The following TSC2 variants were observed in gnomAD, a reference collection of about 807,000 sequenced individuals.
TSC2 encodes the protein tuberin.
A neutral mutation model predicts 202.2 loss-of-function variants in TSC2; 29 were observed. That is an observed-to-expected ratio of 0.14 (90% CI 0.11 to 0.20). The LOEUF (loss-of-function observed/expected upper bound fraction) is 0.20. Ranked by LOEUF, TSC2 falls within the 10% of genes least tolerant of loss-of-function variation. TSC2 has a pLI of 1.00. For missense variants in TSC2, 2,429 were observed against 2,420.0 expected, an observed-to-expected ratio of 1.00 and a Z score of -0.08; for synonymous variants, 1,349 against 1,044.0, an observed-to-expected ratio of 1.29 and a Z score of -5.63.
intron 7 of TSC2, 52 bp from the exon 8 acceptor site, chr16:2,056,592 T>C (rs2085860547): frequency 3.1e-6 from 5 of 1,599,964 alleles, no homozygotes; most frequent in Admixed American, 1.7e-5. Flanking sequence ...TGTCCTCTCC[T>C]GTGGGGAGGA....
intron 20 of TSC2, 149 bp from the exon 21 acceptor site, chr16:2,072,700 G>A (rs1392140181): frequency 8.3e-6 from 11 of 1,325,820 alleles, no homozygotes; most frequent in Non-Finnish European, 1.2e-5. Flanking sequence ...ACTCCGAAAG[G>A]GAGGCCCTTC....
chr16:2,073,086 C>G (rs1272582333), intron 21 of TSC2, 103 bp downstream of exon 21: 1 of 1,555,792 alleles, frequency 6.4e-7, no homozygotes, highest in African/African-American at 1.4e-5. Context: ...TTCTGCCAGG[C>G]CAGGGATGAG....
rs397515108 is a variant in TSC2, at chr16:2,058,808, T to C, written c.910T>C (p.Trp304Arg). The change falls in exon 10 of 42, where the codon TGG becomes CGG. Residue 304 changes from tryptophan (W) to arginine (R), a missense_variant. Transcript: ENST00000219476. The stretch of plus-strand genomic sequence containing the variant: ...CGTGTTTTTTGTGGGCATGGCTCTC[T>C]GGGGAGCCCACCGGCTCTATTCTCT... ...GAVFFVGMALWGAHRLYSLRN... is the reference protein window; with the variant it reads ...GAVFFVGMALRGAHRLYSLRN... 1.2e-6 allele frequency: 2 copies of C among 1,600,810 alleles called. No homozygotes were observed. Among genetic ancestry groups the C allele is most frequent in the Admixed American group, 1.7e-5 (1 of 57,746 alleles).
chr16:2,071,821 C>G lies in TSC2; in HGVS notation c.1984C>G (p.Pro662Ala), dbSNP rs1309151152. 2 of 1,600,512 alleles carry G rather than the reference C, an allele frequency of 1.2e-6. No homozygotes were observed. Among genetic ancestry groups the G allele is most frequent in the East Asian group, 2.3e-5 (1 of 44,232 alleles). Residue 662 changes from proline to alanine, a missense_variant, in exon 19 of 42, where the codon CCC (proline) becomes GCC (alanine). Physicochemically the swap from Pro to Ala is conservative, Grantham distance 27 (BLOSUM62 -1). Transcript: ENST00000219476. Reference protein sequence around the residue: ...ERGSEKKTSGPLSPPTGPPGP... With the variant: ...ERGSEKKTSGALSPPTGPPGP... ...AGGCTCTGAGAAGAAGACCAGCGGC[C>G]CCCTTTCTCCTCCCACAGGGCCTCC...
At position 2,085,363 on chromosome 16, in the gene TSC2, G is replaced by A. The variant is rs45482694; in HGVS notation, c.4662+41G>A. 1.6e-5 allele frequency: 26 copies of A among 1,606,532 alleles called. No individual in the cohort carries two copies. In the African/African-American group the frequency reaches 2.8e-4, roughly 17 times the overall value. ...CGGCCTAGGTGCCTGGACAGGGCCA[G>A]CTGGGCCTCAGCCTGCAGTGGGTAG... On this transcript the variant is annotated intron_variant, in intron 36 of 41. Transcript: ENST00000219476.
At chr16:2,087,291 A>G in intron 38 of TSC2, 1 of 349,256 alleles carries the variant, frequency 2.9e-6, no homozygotes, top group East Asian at 7.5e-5. Context: ...GTGTCACAGC[A>G]CGGTCCGGGT....
intron 14 of TSC2, chr16:2,063,330 C>T (rs1408012766): frequency 6.9e-6 from 4 of 576,938 alleles, no homozygotes; most frequent in Non-Finnish European, 9.3e-6. Context: ...AACACAGGAG[C>T]CTCTTAAAAA....
intron 20 of TSC2, 160 bp from the exon 21 acceptor site, chr16:2,072,689 C>T (rs903973437): frequency 5.0e-5 from 61 of 1,213,052 alleles, no homozygotes; most frequent in Non-Finnish European, 6.3e-5. Flanking sequence ...GCACTCCCAC[C>T]ACTCCGAAAG....
chr16:2,064,574 G>A (rs751134566), intron 15 of TSC2, 147 bp downstream of exon 15: 6 of 1,263,930 alleles, frequency 4.7e-6, no homozygotes, highest in Admixed American at 2.0e-5. Flanking sequence ...TGGGTGTCCC[G>A]AGGCCTGTGC....
At chr16:2,048,402 C>T in intron 1 of TSC2, 185 bp from the exon 2 acceptor site, 1 of 870,104 alleles carries the variant, frequency 1.1e-6, no homozygotes, top group South Asian at 1.4e-5. Context: ...CCTGGTGTCT[C>T]CCGGGCTTTC....
At chr16:2,065,728 G>A (rs951471803) in intron 16 of TSC2, 93 bp downstream of exon 16, 19 of 1,145,810 alleles carry the variant, frequency 1.7e-5, no homozygotes, top group South Asian at 1.2e-4. Context: ...GTTCCCCAGC[G>A]GGACCCACAC....
intron 26 of TSC2, chr16:2,078,587 G>C: frequency 4.0e-6 from 1 of 248,626 alleles, no homozygotes. Context: ...TGGAGCTCAG[G>C]CAGCCGCTCG....
intron 31 of TSC2, 62 bp downstream of exon 31, chr16:2,081,860 C>G: frequency 6.3e-7 from 1 of 1,580,270 alleles, no homozygotes; most frequent in Non-Finnish European, 8.6e-7. Context: ...CTCCCGGTGA[C>G]GGCAATGTGG....
chr16:2,068,979 A>C (rs1181233387), intron 16 of TSC2, among the ~76,000 whole-genome samples: 1 of 151,174 alleles, frequency 6.6e-6, no homozygotes, highest in Admixed American at 6.6e-5. Flanking sequence ...CCTCATGTTG[A>C]GGGGACTGAG....
rs397514881 is a variant in TSC2 at position 2,061,901 on chromosome 16, G to C, written c.1150G>C (p.Val384Leu). 1 of 1,614,078 alleles carries C rather than the reference G, an allele frequency of 6.2e-7. No individual in the cohort carries two copies. Among genetic ancestry groups the C allele is most frequent in the Non-Finnish European group, 8.5e-7 (1 of 1,180,036 alleles). Reference protein sequence around the residue: ...TLDSPELRTIVHDLLTTVEEL... With the variant: ...TLDSPELRTILHDLLTTVEEL... ...GGACAGCCCGGAGCTCAGGACCATC[G>C]TCCATGACCTGTTGACCACGGTGGA... Residue 384 changes from valine (V) to leucine (L), a missense_variant, in exon 12 of 42, where the codon GTC (valine) becomes CTC (leucine). Transcript: ENST00000219476.
intron 4 of TSC2, 144 bp downstream of exon 4, chr16:2,053,596 C>T (rs904392397): frequency 1.2e-6 from 1 of 824,648 alleles, no homozygotes; most frequent in African/African-American, 1.7e-5. Flanking sequence ...GCTGGATGGC[C>T]TGTGGGGTCT....
At chr16:2,069,025 G>C (rs1026023976) in intron 16 of TSC2, among the ~76,000 whole-genome samples, 4 of 152,164 alleles carry the variant, frequency 2.6e-5, no homozygotes, top group African/African-American at 9.7e-5. Flanking sequence ...TTGCTCTCTC[G>C]GGTGGGAGAG....
chr16:2,075,740 G>A (rs2151378518), intron 22 of TSC2, 59 bp from the exon 23 acceptor site: 1 of 1,568,436 alleles, frequency 6.4e-7, no homozygotes, highest in Non-Finnish European at 8.7e-7. Context: ...AGCCGTGTTG[G>A]CCTTCAGAGG....
rs1060504118 is a variant in TSC2, at chr16:2,072,965, C to T, written c.2337C>T (p.Tyr779=). The T allele has an allele frequency of 1.7e-5, 28 of 1,613,470 alleles. No homozygotes were observed. The highest frequency in any genetic ancestry group is 3.3e-5 in the Admixed American group (2 of 60,008). Residue 779 remains tyrosine, a synonymous_variant, in exon 21 of 42, where the codon TAC becomes TAT. Coordinates refer to ENST00000219476, the MANE Select transcript of TSC2 (RefSeq NM_000548.5). ...CAGCATTAATCTCTTACCATAACTACCTGGACAAAACCAAACAGGTAGGAG... is the reference window on the plus strand; with the variant it reads ...CAGCATTAATCTCTTACCATAACTATCTGGACAAAACCAAACAGGTAGGAG... ...VLTALISYHN[Y]LDKTKQREMV...
Sources: allele counts gnomAD v4.1 joint callset (sites outside exome capture counted in the v4.1 genomes callset), GRCh38; gene constraint gnomAD v4.1.1; transcripts MANE v1.5; gene names NCBI Gene and HGNC (gene_info 2026-07-23, HGNC 2026-07-21).